CSMD2: variants seen among roughly 807,000 people sequenced by gnomAD.
CSMD2 encodes CUB and Sushi multiple domains 2, also known as CUB and sushi domain-containing protein 2.
CSMD2 carries 130 observed loss-of-function variants against 398.5 expected under a neutral mutation model. The observed-to-expected ratio is 0.33, with a 90% CI of 0.28 to 0.38. The LOEUF is 0.38. Among genes scored for constraint, CSMD2 ranks in the 10% least tolerant of loss-of-function variants. CSMD2 has a pLI of 1.00. For synonymous variants in CSMD2, 1,828 were observed against 1,908.5 expected (o/e 0.96, Z 1.10); for missense variants, 3,829 against 4,764.9 (o/e 0.80, Z 5.78).
chr1:34,125,509 G>C (rs1487954912), intron 1 of CSMD2, among the ~76,000 whole-genome samples: 1 of 67,904 alleles, frequency 1.5e-5, no homozygotes, highest in Admixed American at 1.1e-4. Flanking sequence ...AACCTTGGCT[G>C]TGTGTGTGTG....
intron 3 of CSMD2, among the ~76,000 whole-genome samples, chr1:33,997,303 G>C (rs942045479): frequency 6.6e-6 from 1 of 152,212 alleles, no homozygotes; most frequent in South Asian, 2.1e-4. Context: ...GTCATGACTC[G>C]GTGTCCAAAT....
chr1:33,531,741 C>G (rs1655252237), intron 64 of CSMD2, among the ~76,000 whole-genome samples: 1 of 152,094 alleles, frequency 6.6e-6, no homozygotes, highest in Admixed American at 6.6e-5. Context: ...TATGATTCCA[C>G]TAACATGAGG....
Position 33,700,563 on chromosome 1 carries a change from G to A in CSMD2, c.3687C>T (p.Ile1229=). The change falls in exon 23 of 71, where the codon ATC becomes ATT. Residue 1229 remains isoleucine (I), a synonymous_variant. Transcript: ENST00000373381. The part of the protein sequence containing the change: ...STSSSLWLDF[I]TDAENTSKGF... ...CCTTGCTGGTGTTTTCAGCATCAGT[G>A]ATGAAATCAAGCCACAGACTGCTGG... is the stretch of plus-strand genomic sequence containing the variant. The A allele has an allele frequency of 6.2e-7, 1 of 1,614,194 alleles. No homozygotes were observed. The highest frequency in any genetic ancestry group is 8.5e-7 in the Non-Finnish European group (1 of 1,180,036).
chr1:33,992,015 A>C (rs571703008), intron 3 of CSMD2, among the ~76,000 whole-genome samples: 10 of 152,340 alleles, frequency 6.6e-5, no homozygotes, highest in Non-Finnish European at 1.3e-4. Flanking sequence ...AATGCAAATC[A>C]AAACAATGAG....
intron 62 of CSMD2, among the ~76,000 whole-genome samples, chr1:33,536,512 C>T (rs1292282581): frequency 1.3e-5 from 2 of 152,240 alleles, no homozygotes. Flanking sequence ...CGTGAGCCAC[C>T]GCACCCGGCC....
chr1:33,823,322 A>G (rs556433605), intron 7 of CSMD2, among the ~76,000 whole-genome samples: 1 of 152,284 alleles, frequency 6.6e-6, no homozygotes, highest in South Asian at 2.1e-4. Flanking sequence ...TCCCCAGGAA[A>G]CAAGCAAACT....
chr1:34,073,363 T>C (rs1655954779), intron 2 of CSMD2, among the ~76,000 whole-genome samples: 1 of 152,258 alleles, frequency 6.6e-6, no homozygotes, highest in South Asian at 2.1e-4. Context: ...ATTGAATCCA[T>C]GTTTCTAATT....
In CSMD2 at chr1:33,714,047, T is replaced by C. The variant is rs541442146; in HGVS notation, c.3406+540A>G. ...CAGATGCCTGAGATGTAGTGGGTCA[T>C]CTATAAATGACCCCGCCCCTGTTCC... On this transcript the variant is annotated intron_variant, in intron 21 of 70. Coordinates refer to ENST00000373381, the MANE Select transcript of CSMD2 (RefSeq NM_001281956.2). Among the ~76,000 whole-genome samples the C allele has an allele frequency of 2.0e-5, 3 of 152,308 alleles. No homozygotes were observed. In the South Asian group the frequency reaches 6.2e-4, roughly 32 times the overall value.
intron 25 of CSMD2, among the ~76,000 whole-genome samples, chr1:33,682,836 T>C (rs953258711): frequency 1.3e-5 from 2 of 152,208 alleles, no homozygotes; most frequent in African/African-American, 4.8e-5. Flanking sequence ...TCCCACCCCT[T>C]GGAACGATTT....
chr1:33,579,034 G>C (rs941258349), intron 48 of CSMD2, among the ~76,000 whole-genome samples: 2 of 152,096 alleles, frequency 1.3e-5, no homozygotes, highest in Non-Finnish European at 2.9e-5. Flanking sequence ...TCATCTACTC[G>C]ATCTGAATTA....
intron 15 of CSMD2, among the ~76,000 whole-genome samples, chr1:33,732,432 C>T (rs1242371218): frequency 6.6e-6 from 1 of 152,152 alleles, no homozygotes; most frequent in Non-Finnish European, 1.5e-5. Flanking sequence ...GAGGATAGAG[C>T]CCTAGTCCAG....
intron 48 of CSMD2, among the ~76,000 whole-genome samples, chr1:33,578,117 A>T (rs893493690): frequency 6.6e-6 from 1 of 152,134 alleles, no homozygotes; most frequent in Admixed American, 6.5e-5. Flanking sequence ...GTGTGGGGGA[A>T]TGTGCTGAGA....
At chr1:34,128,873 C>A (rs2148491345) in intron 1 of CSMD2, among the ~76,000 whole-genome samples, 2 of 152,260 alleles carry the variant, frequency 1.3e-5, no homozygotes, top group East Asian at 3.9e-4. Flanking sequence ...GGCTGGAGAG[C>A]TGGGAGCTGG....
At position 33,537,139 on chromosome 1, in the gene CSMD2, C is replaced by T. The variant is rs1205117212; in HGVS notation, c.9806-44G>A. ...GACACAGATCACATGGTCATGGAAGCCTTCACGGCCTCATCTCACTCTGGG... is the reference window on the plus strand; with the variant it reads ...GACACAGATCACATGGTCATGGAAGTCTTCACGGCCTCATCTCACTCTGGG... On this transcript the variant is annotated intron_variant, in intron 61 of 70. Transcript: ENST00000373381. This position sits in a 1 kb window ranked among gnomAD's most constrained non-coding sequence, Gnocchi z 4.6. The T allele has an allele frequency of 6.3e-7, 1 of 1,596,386 alleles. No homozygotes were observed. The highest frequency in any genetic ancestry group is 8.6e-7 in the Non-Finnish European group (1 of 1,163,980).
chr1:33,733,898 G>C (rs1168846137), intron 15 of CSMD2, among the ~76,000 whole-genome samples: 1 of 152,220 alleles, frequency 6.6e-6, no homozygotes, highest in Non-Finnish European at 1.5e-5. Context: ...TAATACAGAT[G>C]TAAAGCAATT....
At chr1:33,925,562 T>G (rs1644099029) in intron 4 of CSMD2, among the ~76,000 whole-genome samples, 1 of 152,224 alleles carries the variant, frequency 6.6e-6, no homozygotes, top group Admixed American at 6.5e-5. Context: ...TTAGGATTGT[T>G]TTTTCTATTT....
intron 5 of CSMD2, among the ~76,000 whole-genome samples, chr1:33,856,200 A>G (rs530373873): frequency 6.6e-6 from 1 of 152,262 alleles, no homozygotes; most frequent in Non-Finnish European, 1.5e-5. Context: ...GATCTTACCA[A>G]TGCCTTGAAC....
intron 11 of CSMD2, among the ~76,000 whole-genome samples, chr1:33,789,189 T>G (rs545445313): frequency 1.3e-5 from 2 of 152,264 alleles, no homozygotes; most frequent in South Asian, 4.2e-4. Flanking sequence ...ATTCTTTCAA[T>G]GAGACATCTC....
At chr1:34,092,077 C>T (rs1468080014) in intron 1 of CSMD2, among the ~76,000 whole-genome samples, 1 of 152,002 alleles carries the variant, frequency 6.6e-6, no homozygotes, top group African/African-American at 2.4e-5. Context: ...TCCTATATGT[C>T]AATGACAGAT....
Sources: gnomAD v4.1 joint callset for allele counts (sites outside exome capture counted in the v4.1 genomes callset) on GRCh38, gnomAD v4.1.1 for gene constraint, Gnocchi (gnomAD v3.1) non-coding constraint, MANE v1.5 for transcripts, NCBI Gene and HGNC (gene_info 2026-07-23, HGNC 2026-07-21) for gene names.